VCAN: variants seen among roughly 807,000 people sequenced by gnomAD.
VCAN encodes the protein versican.
Under a neutral mutation model 245.5 loss-of-function variants are expected in VCAN, and 44 were observed. That is an observed-to-expected ratio of 0.18 (90% CI 0.14 to 0.23). VCAN has a LOEUF of 0.23. Among genes scored for constraint, VCAN ranks in the 10% least tolerant of loss-of-function variants. VCAN has a pLI of 1.00. For missense variants in VCAN, 3,793 were observed against 4,057.9 expected (o/e 0.93, Z 1.77); for synonymous variants, 1,413 against 1,437.0 (o/e 0.98, Z 0.38).
intron 12 of VCAN, among the ~76,000 whole-genome samples, chr5:83,559,187 T>G (rs568318659): frequency 6.6e-6 from 1 of 152,324 alleles, no homozygotes; most frequent in South Asian, 2.1e-4. Context: ...GCTGGCAAAC[T>G]TAAACAAACT....
At chr5:83,550,435 C>T (rs1472409644) in intron 10 of VCAN, among the ~76,000 whole-genome samples, 3 of 152,018 alleles carry the variant, frequency 2.0e-5, no homozygotes, top group Non-Finnish European at 4.4e-5. Context: ...ACAAAGGTTG[C>T]CTTTTAATAA....
At chr5:83,550,940 T>C (rs1241712644) in intron 10 of VCAN, among the ~76,000 whole-genome samples, 3 of 149,600 alleles carry the variant, frequency 2.0e-5, no homozygotes, top group African/African-American at 7.3e-5. Context: ...GCTTTGTTTT[T>C]TTTTTTTTTA....
In VCAN at chr5:83,542,074, C is replaced by A. The variant is rs757872221; in HGVS notation, c.9071C>A (p.Ser3024Tyr). The change falls in exon 8 of 15, where the codon TCC becomes TAC. Residue 3024 changes from serine (S) to tyrosine (Y), a missense_variant. Ser to Tyr is a moderately radical substitution (Grantham distance 144). This residue lies in a region of VCAN where 3,182 missense variants were observed against 3,250.3 expected (regional missense o/e 0.98). Transcript: ENST00000265077. The stretch of plus-strand genomic sequence containing the variant: ...GCAGCTTTAATCAGAGGGCAGGATT[C>A]CACGATAGCAGCATCAGAACAGCAA... ...TQAALIRGQD[S>Y]TIAASEQQVA... The A allele has an allele frequency of 5.6e-6, 9 of 1,613,534 alleles. No individual in the cohort carries two copies. The South Asian group carries it at 9.9e-5, about 18-fold the overall frequency.
intron 14 of VCAN, 69 bp from the exon 15 acceptor site, chr5:83,580,238 T>C: frequency 6.2e-7 from 1 of 1,613,798 alleles, no homozygotes; most frequent in Non-Finnish European, 8.5e-7. Context: ...GGCTGTGGTA[T>C]CGGCAGTTTA....
At position 83,520,624 on chromosome 5, in the gene VCAN, C is replaced by T; in HGVS notation, c.2318C>T (p.Thr773Ile). 1 of 1,614,010 alleles carries T rather than the reference C, an allele frequency of 6.2e-7. No homozygotes were observed. Among genetic ancestry groups the T allele is most frequent in the Non-Finnish European group, 8.5e-7 (1 of 1,180,002 alleles). ...GATATGGAGGAAGACTTTACAGCAA[C>T]TCCAGGTACTACAAAATATGATGAA... ...VRDMEEDFTA[T>I]PGTTKYDENI... The change falls in exon 7 of 15, where the codon ACT becomes ATT. Residue 773 changes from threonine to isoleucine, a missense_variant. By Grantham distance (89) the Thr-to-Ile change is moderately conservative. Coordinates refer to ENST00000265077, the MANE Select transcript of VCAN (RefSeq NM_004385.5).
intron 6 of VCAN, among the ~76,000 whole-genome samples, chr5:83,516,283 CA>C (rs904160283): frequency 8.2e-5 from 12 of 145,618 alleles, no homozygotes; most frequent in South Asian, 2.2e-4. Flanking sequence ...GACTCTGTCT[CA>C]AAAAAAAAAA....
rs977327386 is a variant in VCAN at position 83,490,214 on chromosome 5, C to T, written c.187C>T (p.Arg63Cys). Reference sequence around the variant, plus strand: ...CAGTTACAACACCAGTGAATTTCTCCGCATCAAATGGTCTAAGATTGAAGT... The same window carrying T: ...CAGTTACAACACCAGTGAATTTCTCTGCATCAAATGGTCTAAGATTGAAGT... ...PPSYNTSEFL[R>C]IKWSKIEVDK... The change falls in exon 3 of 15, where the codon CGC (arginine) becomes TGC (cysteine). Residue 63 changes from arginine to cysteine, a missense_variant. This residue lies in a region of VCAN where 179 missense variants were observed against 169.7 expected (regional missense o/e 1.05). Transcript: ENST00000265077. The T allele has an allele frequency of 2.4e-5, 39 of 1,614,078 alleles. No homozygotes were observed. The highest frequency in any genetic ancestry group is 1.2e-4 in the Admixed American group (7 of 60,018).
At chr5:83,525,150 G>C (rs984890873) in intron 7 of VCAN, among the ~76,000 whole-genome samples, 5 of 150,512 alleles carry the variant, frequency 3.3e-5, no homozygotes, top group African/African-American at 1.2e-4. Context: ...CGGTGCTCTA[G>C]CTAGAGGGCA....
At chr5:83,509,357 G>T (rs1481332500) in intron 5 of VCAN, among the ~76,000 whole-genome samples, 1 of 152,160 alleles carries the variant, frequency 6.6e-6, no homozygotes, top group Non-Finnish European at 1.5e-5. Context: ...ACCTACTGAA[G>T]CCTTTCTTTC....
intron 5 of VCAN, among the ~76,000 whole-genome samples, chr5:83,506,461 C>T (rs1745486714): frequency 6.6e-6 from 1 of 152,188 alleles, no homozygotes; most frequent in Non-Finnish European, 1.5e-5. Context: ...AGTCACCTTT[C>T]TTCCAGTCCC....
chr5:83,472,198 G>C (rs33608), intron 1 of VCAN, among the ~76,000 whole-genome samples, 175 bp downstream of exon 1: 1 of 151,798 alleles, frequency 6.6e-6, no homozygotes. Flanking sequence ...ACTTTCATAA[G>C]GGCTTTTGGG....
chr5:83,512,034 C>G, intron 5 of VCAN, 69 bp from the exon 6 acceptor site: 2 of 1,597,850 alleles, frequency 1.3e-6, no homozygotes, highest in Non-Finnish European at 1.7e-6. Context: ...CCTTCCCCAC[C>G]ATATTTATCC....
chr5:83,479,094 T>C (rs1467402747), intron 1 of VCAN, among the ~76,000 whole-genome samples: 1 of 152,128 alleles, frequency 6.6e-6, no homozygotes, highest in African/African-American at 2.4e-5. Flanking sequence ...CACACCTAAA[T>C]CACGTGATTT....
At chr5:83,566,699 A>G (rs575531663) in intron 12 of VCAN, among the ~76,000 whole-genome samples, 1 of 152,292 alleles carries the variant, frequency 6.6e-6, no homozygotes, top group Middle Eastern at 3.4e-3. Flanking sequence ...TCACTCTGAG[A>G]TACATGGAAT....
In VCAN at chr5:83,538,909, C is replaced by A; in HGVS notation, c.5906C>A (p.Thr1969Asn). The A allele has an allele frequency of 1.2e-6, 2 of 1,614,002 alleles. No homozygotes were observed. Among genetic ancestry groups the A allele is most frequent in the African/African-American group, 1.3e-5 (1 of 75,032 alleles). ...SGDAAFRDTQ[T>N]SPSTVPTSVH... ...GATGCAGCATTTAGGGACACCCAGACTTCACCATCTACAGTACCTACTTCA... is the reference window on the plus strand; with the variant it reads ...GATGCAGCATTTAGGGACACCCAGAATTCACCATCTACAGTACCTACTTCA... Residue 1969 changes from threonine to asparagine, a missense_variant, in exon 8 of 15, where the codon ACT becomes AAT. Physicochemically the swap from Thr to Asn is moderately conservative, Grantham distance 65 (BLOSUM62 0). Around this residue, in one of 5 missense-constraint regions of VCAN, gnomAD observed 3,182 missense variants for 3,250.3 expected, o/e 0.98. Coordinates refer to ENST00000265077, the MANE Select transcript of VCAN (RefSeq NM_004385.5).
chr5:83,541,212 A>T lies in VCAN; in HGVS notation c.8209A>T (p.Ile2737Leu). Residue 2737 changes from isoleucine (I) to leucine (L), a missense_variant, in exon 8 of 15, where the codon ATA becomes TTA. Physicochemically the swap from Ile to Leu is conservative, Grantham distance 5. Around this residue, in one of 5 missense-constraint regions of VCAN, gnomAD observed 3,182 missense variants for 3,250.3 expected, o/e 0.98. Transcript: ENST00000265077. ...TCAAGCTATTGCAGACCAAAGTGAAATAATACCAACATTGGGCCAATTTGA... is the reference window on the plus strand; with the variant it reads ...TCAAGCTATTGCAGACCAAAGTGAATTAATACCAACATTGGGCCAATTTGA... ...DGQAIADQSEIIPTLGQFERT... is the reference protein window; with the variant it reads ...DGQAIADQSELIPTLGQFERT... 1 of 1,614,024 alleles carries T rather than the reference A, an allele frequency of 6.2e-7. No individual in the cohort carries two copies. The highest frequency in any genetic ancestry group is 1.1e-5 in the South Asian group (1 of 91,086).
At position 83,520,426 on chromosome 5, in the gene VCAN, T is replaced by A. The variant is rs770800393; in HGVS notation, c.2120T>A (p.Ile707Asn). ...DTYTDEIQEE[I>N]TKSPFMGKTE... ...TATACAGATGAAATACAAGAAGAGA[T>A]CACTAAAAGTCCATTTATGGGAAAA... Residue 707 changes from isoleucine to asparagine, a missense_variant, in exon 7 of 15, where the codon ATC becomes AAC. This residue lies in a region of VCAN where 3,182 missense variants were observed against 3,250.3 expected (regional missense o/e 0.98). Coordinates refer to ENST00000265077, the MANE Select transcript of VCAN (RefSeq NM_004385.5). 2 of 1,613,728 alleles carry A rather than the reference T, an allele frequency of 1.2e-6. No homozygotes were observed. The highest frequency in any genetic ancestry group is 1.7e-6 in the Non-Finnish European group (2 of 1,179,924).
chr5:83,572,492 A>C lies in VCAN; in HGVS notation c.9812A>C (p.His3271Pro), dbSNP rs1439250242. ...AGEDCVVIIW[H>P]ENGQWNDVPC... ...GAAGACTGTGTTGTAATCATTTGGC[A>C]TGAGAATGGCCAGTGGAATGATGTT... Residue 3271 changes from histidine to proline, a missense_variant, in exon 13 of 15, where the codon CAT (histidine) becomes CCT (proline). His to Pro is a moderately conservative substitution (Grantham distance 77, BLOSUM62 -2). Coordinates refer to ENST00000265077, the MANE Select transcript of VCAN (RefSeq NM_004385.5). The C allele has an allele frequency of 1.9e-5, 30 of 1,613,958 alleles. No individual in the cohort carries two copies. The highest frequency in any genetic ancestry group is 2.5e-5 in the Non-Finnish European group (30 of 1,179,890).
intron 5 of VCAN, among the ~76,000 whole-genome samples, chr5:83,508,502 A>G (rs1320514164): frequency 2.6e-5 from 4 of 152,214 alleles, no homozygotes; most frequent in East Asian, 1.9e-4. Flanking sequence ...ACTCAATTCT[A>G]TAGTGTAAAT....
Sources: allele counts gnomAD v4.1 joint callset (sites outside exome capture counted in the v4.1 genomes callset), GRCh38; gene constraint gnomAD v4.1.1; regional missense constraint gnomAD v4.1.1; transcripts MANE v1.5; gene names NCBI Gene and HGNC (gene_info 2026-07-23, HGNC 2026-07-21).